Variants in ERG observed in about 807,000 individuals in gnomAD.
ERG encodes ETS transcription factor ERG.
In ERG, 9 loss-of-function variants were observed where a neutral mutation model predicts 55.3. That is an observed-to-expected ratio of 0.16 (90% CI 0.10 to 0.28). The LOEUF (loss-of-function observed/expected upper bound fraction) is 0.28, where lower values mean the gene tolerates loss of function less well. Ranked by LOEUF, ERG falls within the 10% of genes least tolerant of loss-of-function variation. ERG has a pLI of 1.00. For missense variants in ERG, 434 were observed against 631.6 expected (o/e 0.69, Z 3.35); for synonymous variants, 223 against 237.3 (o/e 0.94, Z 0.55).
chr21:38,524,153 C>T (rs2059614184), intron 2 of ERG, among the ~76,000 whole-genome samples: 1 of 152,224 alleles, frequency 6.6e-6, no homozygotes, highest in South Asian at 2.1e-4. Context: ...GACAGTGACA[C>T]ACTGCCAGCT....
intron 3 of ERG, among the ~76,000 whole-genome samples, chr21:38,415,300 T>C (rs184680706): frequency 3.3e-5 from 5 of 152,376 alleles, no homozygotes; most frequent in Admixed American, 2.6e-4. Context: ...TTAAATGAGA[T>C]AATGCCTTTT....
chr21:38,387,006 C>A (rs1414725510), intron 9 of ERG, among the ~76,000 whole-genome samples: 1 of 152,014 alleles, frequency 6.6e-6, no homozygotes, highest in Non-Finnish European at 1.5e-5. Context: ...GGAAAGTAAT[C>A]TCCTAATATT....
At chr21:38,418,314 T>C (rs1179427018) in intron 3 of ERG, among the ~76,000 whole-genome samples, 1 of 147,260 alleles carries the variant, frequency 6.8e-6, no homozygotes, top group Non-Finnish European at 1.5e-5. Context: ...TGGGAAAGGG[T>C]CTCACTCTGG....
chr21:38,430,076 C>T (rs1273741003), intron 2 of ERG, among the ~76,000 whole-genome samples: 3 of 143,792 alleles, frequency 2.1e-5, no homozygotes, highest in African/African-American at 7.7e-5. Flanking sequence ...TCCATGCCAA[C>T]ATCTATTTTT....
upstream of ERG, among the ~76,000 whole-genome samples, chr21:38,503,016 C>T (rs748002882): frequency 1.3e-5 from 2 of 152,042 alleles, no homozygotes; most frequent in Non-Finnish European, 1.5e-5. Context: ...TGAGCCACCA[C>T]GCCCGGCCAA....
Position 38,473,419 on chromosome 21 carries a change from A to G in ERG, c.18+24944T>C, listed in dbSNP as rs2059158329. Among the ~76,000 whole-genome samples the G allele has an allele frequency of 2.1e-5, 3 of 143,952 alleles. 1 individual carries two copies. In the South Asian group the frequency reaches 6.5e-4, roughly 31 times the overall value. 94.4% of individuals were successfully genotyped at this position (143,952 alleles called of 152,430 possible). The stretch of plus-strand genomic sequence containing the variant: ...TTAATATGACCTTGCATTCAATTAT[A>G]TATATACATATATATATATATACAA... On this transcript the variant is annotated intron_variant, in intron 1 of 9. Transcript: ENST00000288319.
intron 2 of ERG, among the ~76,000 whole-genome samples, chr21:38,551,855 C>T (rs1268340198): frequency 1.3e-5 from 2 of 151,998 alleles, no homozygotes; most frequent in East Asian, 1.9e-4. Flanking sequence ...TCTGTTAGGT[C>T]CATTTGGTCA....
chr21:38,426,702 G>A (rs1314328196), intron 2 of ERG, among the ~76,000 whole-genome samples: 2 of 151,548 alleles, frequency 1.3e-5, no homozygotes, highest in Non-Finnish European at 2.9e-5. Flanking sequence ...AGGCCGAGCT[G>A]GGCGGATCAC....
intron 1 of ERG, among the ~76,000 whole-genome samples, chr21:38,475,240 T>C (rs746423937): frequency 6.6e-6 from 1 of 152,112 alleles, no homozygotes; most frequent in Non-Finnish European, 1.5e-5. Flanking sequence ...GGATGGGAGA[T>C]GGGAAGAAGG....
At position 38,395,613 on chromosome 21, in the gene ERG, T is replaced by A. The variant is rs1395632271; in HGVS notation, c.746-3169A>T. ...TAAAAACTGAGCTTTATAGAAGTCA[T>A]TGCATAGGCAGCTTGGGTGAACACA... On this transcript the variant is annotated intron_variant, in intron 6 of 9. Transcript: ENST00000288319. The A allele has an allele frequency of 1.9e-4, 34 of 181,990 alleles. No individual in the cohort carries two copies. The Admixed American group carries it at 1.9e-3, about 10-fold the overall frequency. 11.3% of individuals were successfully genotyped at this position (181,990 alleles called of 1,614,324 possible).
intron 1 of ERG, among the ~76,000 whole-genome samples, chr21:38,607,921 G>A (rs2060205652): frequency 6.6e-6 from 1 of 152,162 alleles, no homozygotes; most frequent in Non-Finnish European, 1.5e-5. Context: ...ACTTTGTTAG[G>A]TGAGGGATAA....
At chr21:38,444,031 C>A (rs2058865860) in intron 2 of ERG, among the ~76,000 whole-genome samples, 1 of 152,194 alleles carries the variant, frequency 6.6e-6, no homozygotes, top group Non-Finnish European at 1.5e-5. Flanking sequence ...TCTCCCATCT[C>A]CCCATCTGGC....
At chr21:38,436,365 TA>T (rs2146535324) in intron 2 of ERG, among the ~76,000 whole-genome samples, 1 of 152,290 alleles carries the variant, frequency 6.6e-6, no homozygotes, top group African/African-American at 2.4e-5. Flanking sequence ...CTAAAATGTG[TA>T]ACATATACAA....
chr21:38,515,166 CA>C (rs1248184746), intron 2 of ERG, among the ~76,000 whole-genome samples: 3 of 151,854 alleles, frequency 2.0e-5, no homozygotes, highest in African/African-American at 7.2e-5. Context: ...TCAATAGATT[CA>C]ATGCAGATGC....
intron 1 of ERG, among the ~76,000 whole-genome samples, chr21:38,599,711 C>T (rs2060153179): frequency 6.6e-6 from 1 of 152,200 alleles, no homozygotes; most frequent in Non-Finnish European, 1.5e-5. Context: ...CTTCCCTGGA[C>T]CTCTCAATAC....
intron 2 of ERG, among the ~76,000 whole-genome samples, chr21:38,524,343 A>G (rs2146755765): frequency 6.6e-6 from 1 of 152,372 alleles, no homozygotes; most frequent in Admixed American, 6.5e-5. Context: ...AGTGGCAGCA[A>G]CTTGTTGACC....
upstream of ERG, among the ~76,000 whole-genome samples, chr21:38,588,950 C>G (rs1465188164): frequency 6.6e-6 from 1 of 152,062 alleles, no homozygotes; most frequent in African/African-American, 2.4e-5. Flanking sequence ...AGGCCAATCT[C>G]GAACTCCTGG....
intron 1 of ERG, among the ~76,000 whole-genome samples, chr21:38,489,874 C>G (rs1361245695): frequency 2.0e-5 from 3 of 152,230 alleles, no homozygotes; most frequent in Non-Finnish European, 4.4e-5. Flanking sequence ...TTAAGAGGCT[C>G]AGGAGGGGTC....
At chr21:38,477,052 G>A (rs187141753) in intron 1 of ERG, among the ~76,000 whole-genome samples, 37 of 112,426 alleles carry the variant, frequency 3.3e-4, no homozygotes, top group Middle Eastern at 8.5e-3. Context: ...TCACTCTGTC[G>A]CCCAGGCTGG....
Sources: gnomAD v4.1 joint callset for allele counts (sites outside exome capture counted in the v4.1 genomes callset) on GRCh38, gnomAD v4.1.1 for gene constraint, MANE v1.5 for transcripts, NCBI Gene and HGNC (gene_info 2026-07-23, HGNC 2026-07-21) for gene names.